Variants in KCNH7 observed in about 807,000 individuals in gnomAD.
KCNH7 encodes potassium voltage-gated channel subfamily H member 7.
Under a neutral mutation model 120.8 loss-of-function variants are expected in KCNH7, and 49 were observed. The observed-to-expected ratio is 0.41, with a 90% confidence interval of 0.32 to 0.51. The LOEUF is 0.51. Among genes scored for constraint, KCNH7 ranks in the 20% least tolerant of loss-of-function variants. The pLI is 0.38. For synonymous variants in KCNH7, 547 were observed against 516.1 expected, an observed-to-expected ratio of 1.06 and a Z score of -0.81; for missense variants, 1,097 against 1,446.6, an observed-to-expected ratio of 0.76 and a Z score of 3.92.
intron 2 of KCNH7, among the ~76,000 whole-genome samples, chr2:162,830,989 G>A (rs1051114224): frequency 3.3e-5 from 5 of 152,120 alleles, no homozygotes; most frequent in Non-Finnish European, 7.4e-5. Flanking sequence ...GAAATCCCAA[G>A]TGAATTCAAT....
chr2:162,586,989 G>A (rs961873973), intron 2 of KCNH7, among the ~76,000 whole-genome samples: 12 of 151,950 alleles, frequency 7.9e-5, no homozygotes, highest in African/African-American at 2.9e-4. Flanking sequence ...TTTTCCTACA[G>A]AAGAAATAGC....
intron 1 of KCNH7, 100 bp from the exon 2 acceptor site, chr2:162,836,867 G>A (rs892221335): frequency 1.8e-5 from 14 of 763,164 alleles, no homozygotes; most frequent in Non-Finnish European, 3.0e-5. Flanking sequence ...TGAAATGCAG[G>A]TGCCTCCCCA....
intron 2 of KCNH7, among the ~76,000 whole-genome samples, chr2:162,600,484 C>A (rs1171317912): frequency 6.6e-6 from 1 of 152,106 alleles, no homozygotes; most frequent in Non-Finnish European, 1.5e-5. Flanking sequence ...AGCAGCAAGT[C>A]TCCCAGTATT....
At chr2:162,752,985 A>G (rs1320511715) in intron 2 of KCNH7, among the ~76,000 whole-genome samples, 24 of 131,546 alleles carry the variant, frequency 1.8e-4, no homozygotes, top group African/African-American at 8.0e-4. Flanking sequence ...AAAGAAAAGA[A>G]AAGAAAAGAA....
At chr2:162,684,260 A>G (rs1013738711) in intron 2 of KCNH7, among the ~76,000 whole-genome samples, 1 of 152,168 alleles carries the variant, frequency 6.6e-6, no homozygotes, top group Non-Finnish European at 1.5e-5. Context: ...AAGAAAACAT[A>G]GGCAATACCA....
intron 2 of KCNH7, among the ~76,000 whole-genome samples, chr2:162,773,500 C>T (rs305694): frequency 1.3e-5 from 2 of 152,046 alleles, no homozygotes; most frequent in African/African-American, 4.8e-5. Flanking sequence ...AAAAACAAAA[C>T]ACAGAAAACT....
chr2:162,722,635 T>C (rs1687356945), intron 2 of KCNH7, among the ~76,000 whole-genome samples: 1 of 152,084 alleles, frequency 6.6e-6, no homozygotes, highest in Non-Finnish European at 1.5e-5. Flanking sequence ...TGAATATCTA[T>C]TTCCTTCACC....
intron 7 of KCNH7, among the ~76,000 whole-genome samples, chr2:162,443,164 T>A (rs978204817): frequency 1.3e-5 from 2 of 152,182 alleles, no homozygotes; most frequent in South Asian, 2.1e-4. Context: ...AACTGACACA[T>A]GGTTCTTGTC....
intron 2 of KCNH7, among the ~76,000 whole-genome samples, chr2:162,542,465 T>C: frequency 7.4e-6 from 1 of 134,718 alleles, no homozygotes; most frequent in Non-Finnish European, 1.5e-5. Context: ...GTGTTCTCAC[T>C]GTTCAATTCC....
intron 2 of KCNH7, among the ~76,000 whole-genome samples, chr2:162,749,644 A>G (rs1382786077): frequency 6.6e-6 from 1 of 152,184 alleles, no homozygotes; most frequent in Non-Finnish European, 1.5e-5. Context: ...ACGTTTGACC[A>G]AAGATTGAAG....
chr2:162,499,368 A>G (rs893569387), intron 6 of KCNH7, among the ~76,000 whole-genome samples: 2 of 152,052 alleles, frequency 1.3e-5, no homozygotes, highest in African/African-American at 4.8e-5. Context: ...CCACCACTCC[A>G]TTGGAATTTG....
chr2:162,601,941 AAAT>A (rs1245049421), intron 2 of KCNH7, among the ~76,000 whole-genome samples: 1 of 152,132 alleles, frequency 6.6e-6, no homozygotes, highest in East Asian at 1.9e-4. Context: ...AATTATTACA[AAAT>A]GTTATAAACC....
rs1690812824 is a variant in KCNH7, at chr2:162,504,769, G to T, written c.914-112C>A. On this transcript the variant is annotated intron_variant, in intron 5 of 15. Transcript: ENST00000332142. ...ACCAATATGATCCTGATTTGAGTGT[G>T]ACTGAATGCAGCCAGCTTATACCTG... is the stretch of plus-strand genomic sequence containing the variant. 11 of 696,454 alleles carry T rather than the reference G, an allele frequency of 1.6e-5. No homozygotes were observed. In the East Asian group the frequency reaches 3.0e-4, roughly 19 times the overall value. The allele number at this position is 696,454 out of a possible 1,614,324, so 43.1% of individuals were successfully genotyped here. A position where few individuals can be genotyped will look rare whatever the true frequency, so the allele number is the denominator to read the frequency against.
intron 2 of KCNH7, among the ~76,000 whole-genome samples, chr2:162,628,715 G>T (rs761564281): frequency 5.9e-5 from 9 of 151,832 alleles, no homozygotes; most frequent in Non-Finnish European, 1.2e-4. Context: ...TGTTGTTGTT[G>T]CTGTGTCAGT....
chr2:162,720,903 C>T (rs1687303118), intron 2 of KCNH7, among the ~76,000 whole-genome samples: 1 of 151,450 alleles, frequency 6.6e-6, no homozygotes, highest in Non-Finnish European at 1.5e-5. Flanking sequence ...CCACTACAGG[C>T]TCTACACACT....
At chr2:162,511,186 A>C (rs1330882017) in intron 5 of KCNH7, among the ~76,000 whole-genome samples, 1 of 151,782 alleles carries the variant, frequency 6.6e-6, no homozygotes, top group African/African-American at 2.4e-5. Flanking sequence ...GTTTTATGAC[A>C]CTAAAATAAA....
At chr2:162,497,356 A>T (rs142125471) in intron 6 of KCNH7, among the ~76,000 whole-genome samples, 2,598 of 152,140 alleles carry the variant, frequency 0.017, 221 homozygotes, top group Admixed American at 0.15. Context: ...ACCAACAAAA[A>T]CCCCCATCCC....
intron 2 of KCNH7, among the ~76,000 whole-genome samples, chr2:162,724,665 C>G (rs547079260): frequency 1.6e-5 from 2 of 126,570 alleles, no homozygotes; most frequent in East Asian, 6.0e-4. Flanking sequence ...GAGCGAGACT[C>G]CGTCTCAAAA....
chr2:162,503,771 T>G (rs989981745), intron 6 of KCNH7, among the ~76,000 whole-genome samples: 2 of 152,092 alleles, frequency 1.3e-5, no homozygotes, highest in African/African-American at 4.8e-5. Context: ...TTTAAAGTCA[T>G]GAATTCCCAA....
Sources: gnomAD v4.1 joint callset for allele counts (sites outside exome capture counted in the v4.1 genomes callset) on GRCh38, gnomAD v4.1.1 for gene constraint, MANE v1.5 for transcripts, NCBI Gene and HGNC (gene_info 2026-07-23, HGNC 2026-07-21) for gene names.